CSMD1: variants seen among roughly 807,000 people sequenced by gnomAD.
CSMD1 encodes CUB and Sushi multiple domains 1.
Under a neutral mutation model 417.5 loss-of-function variants are expected in CSMD1, and 213 were observed. The observed-to-expected ratio is 0.51, with a 90% CI of 0.46 to 0.57. CSMD1 has a LOEUF of 0.57. Among genes scored for constraint, CSMD1 ranks in the 20% least tolerant of loss-of-function variants. The probability of loss-of-function intolerance (pLI) is 0.00; values close to 1 mark genes in which losing one functional copy is unlikely to be tolerated. For missense variants in CSMD1, 6,923 were observed against 4,529.7 expected (o/e 1.53, Z -15.17); for synonymous variants, 2,862 against 1,736.8 (o/e 1.65, Z -16.11).
intron 2 of CSMD1, among the ~76,000 whole-genome samples, chr8:4,634,280 T>C (rs1802702892): frequency 6.6e-6 from 1 of 152,194 alleles, no homozygotes; most frequent in South Asian, 2.1e-4. Flanking sequence ...TAATACTATA[T>C]TTCTGACTAA....
intron 23 of CSMD1, among the ~76,000 whole-genome samples, chr8:3,319,782 A>T (rs1338282113): frequency 1.3e-5 from 2 of 152,202 alleles, no homozygotes; most frequent in Non-Finnish European, 1.5e-5. Flanking sequence ...TTTTAAAGTA[A>T]TTCTTCATTA....
At chr8:3,873,646 C>T (rs1161792740) in intron 5 of CSMD1, among the ~76,000 whole-genome samples, 1 of 152,064 alleles carries the variant, frequency 6.6e-6, no homozygotes, top group Non-Finnish European at 1.5e-5. Flanking sequence ...GCATATCAAA[C>T]CCCCATGACA....
At chr8:4,789,167 G>T (rs1326204429) in intron 1 of CSMD1, among the ~76,000 whole-genome samples, 2 of 152,156 alleles carry the variant, frequency 1.3e-5, no homozygotes, top group Admixed American at 6.5e-5. Context: ...TGTATGTTCA[G>T]ATGAATGCTT....
intron 5 of CSMD1, among the ~76,000 whole-genome samples, chr8:3,903,122 A>C (rs1807870369): frequency 6.6e-6 from 1 of 152,086 alleles, no homozygotes; most frequent in Non-Finnish European, 1.5e-5. Flanking sequence ...AGACCTTCTT[A>C]CTGGCACTTT....
rs79185134 is a variant in CSMD1 at position 3,637,113 on chromosome 8, C to A, written c.1010-20316G>T. 4.3e-4 allele frequency among the ~76,000 whole-genome samples: 66 copies of A among 152,264 alleles called. 1 individual carries two copies. The South Asian group carries it at 0.013, about 30-fold the overall frequency. The stretch of plus-strand genomic sequence containing the variant: ...TCCAAAACTATAGAAAATAAATTTC[C>A]TTCCTTTATAAATTATCCCGTTTGT... On this transcript the variant is annotated intron_variant, in intron 7 of 69. Coordinates refer to ENST00000635120, the MANE Select transcript of CSMD1 (RefSeq NM_033225.6).
intron 3 of CSMD1, among the ~76,000 whole-genome samples, chr8:4,155,644 CAT>C (rs532761808): frequency 3.6e-4 from 55 of 152,200 alleles, no homozygotes; most frequent in Admixed American, 7.8e-4. Context: ...TAGCTGATGA[CAT>C]AATACACATT....
intron 1 of CSMD1, among the ~76,000 whole-genome samples, chr8:4,926,020 G>C (rs74616251): frequency 0.035 from 5,361 of 152,198 alleles, 252 homozygotes; most frequent in African/African-American, 0.1. Context: ...GACTACAAAA[G>C]TGAGAGCTCA....
chr8:3,556,095 C>G (rs939816404), intron 10 of CSMD1, among the ~76,000 whole-genome samples: 1 of 152,050 alleles, frequency 6.6e-6, no homozygotes. Flanking sequence ...ATTCCACTAA[C>G]TACATAAGAC....
intron 1 of CSMD1, among the ~76,000 whole-genome samples, chr8:4,801,707 A>G (rs549521278): frequency 6.6e-6 from 1 of 152,034 alleles, no homozygotes; most frequent in Non-Finnish European, 1.5e-5. Flanking sequence ...AAGGCAGCCT[A>G]AACTACCCAC....
At chr8:4,860,249 A>T (rs1310958329) in intron 1 of CSMD1, among the ~76,000 whole-genome samples, 1 of 88,370 alleles carries the variant, frequency 1.1e-5, no homozygotes, top group Non-Finnish European at 2.0e-5. Flanking sequence ...TATCACACTC[A>T]GGGGACTGTT....
At chr8:4,294,590 C>T (rs185593752) in intron 3 of CSMD1, among the ~76,000 whole-genome samples, 10 of 152,078 alleles carry the variant, frequency 6.6e-5, no homozygotes, top group Admixed American at 5.9e-4. Flanking sequence ...AAACCAGAAA[C>T]CAGGTCTAAG....
intron 2 of CSMD1, among the ~76,000 whole-genome samples, chr8:4,585,380 T>G (rs1799647997): frequency 1.3e-5 from 2 of 152,108 alleles, no homozygotes; most frequent in Admixed American, 1.3e-4. Flanking sequence ...TACACAATTT[T>G]TGAAAGAGGG....
At chr8:3,976,362 G>T (rs929935759) in intron 5 of CSMD1, among the ~76,000 whole-genome samples, 1 of 152,074 alleles carries the variant, frequency 6.6e-6, no homozygotes, top group Non-Finnish European at 1.5e-5. Flanking sequence ...CTATCATGAC[G>T]TTGATGAAGA....
At chr8:4,277,838 C>A (rs1379794812) in intron 3 of CSMD1, among the ~76,000 whole-genome samples, 1 of 152,138 alleles carries the variant, frequency 6.6e-6, no homozygotes, top group Non-Finnish European at 1.5e-5. Context: ...AGGTCTGCCT[C>A]CCTGGTTCAC....
Position 3,607,366 on chromosome 8 carries a change from T to G in CSMD1, c.1097+9344A>C, listed in dbSNP as rs573759209. ...AGGACCTGCCTGGGGCTGTTTACAGTTAACTTTTGTGTTTTTTATAAGCAG... is the reference window on the plus strand; with the variant it reads ...AGGACCTGCCTGGGGCTGTTTACAGGTAACTTTTGTGTTTTTTATAAGCAG... On this transcript the variant is annotated intron_variant, in intron 8 of 69. Coordinates refer to ENST00000635120, the MANE Select transcript of CSMD1 (RefSeq NM_033225.6). 6.6e-5 allele frequency among the ~76,000 whole-genome samples: 10 copies of G among 152,318 alleles called. No individual in the cohort carries two copies. In the South Asian group the frequency reaches 1.0e-3, roughly 16 times the overall value.
At chr8:4,940,229 G>C (rs972158190) in intron 1 of CSMD1, among the ~76,000 whole-genome samples, 2 of 152,146 alleles carry the variant, frequency 1.3e-5, no homozygotes, top group African/African-American at 4.8e-5. Flanking sequence ...AAGCGTATTT[G>C]AGAAGGACAA....
At chr8:4,575,927 A>T (rs1479189087) in intron 2 of CSMD1, among the ~76,000 whole-genome samples, 1 of 152,180 alleles carries the variant, frequency 6.6e-6, no homozygotes, top group Admixed American at 6.5e-5. Context: ...TGTAAATCAA[A>T]CAATCCCACA....
intron 26 of CSMD1, among the ~76,000 whole-genome samples, chr8:3,257,659 G>C (rs1160805318): frequency 6.6e-6 from 1 of 152,142 alleles, no homozygotes; most frequent in Non-Finnish European, 1.5e-5. Flanking sequence ...CTGGGGCCAA[G>C]GCTACTGAGA....
intron 3 of CSMD1, among the ~76,000 whole-genome samples, chr8:4,338,272 G>C (rs974729895): frequency 6.6e-6 from 1 of 152,140 alleles, no homozygotes; most frequent in South Asian, 2.1e-4. Flanking sequence ...AGTTGAGTAA[G>C]TGCAAGAGTT....
Sources: allele counts gnomAD v4.1 joint callset (sites outside exome capture counted in the v4.1 genomes callset), GRCh38; gene constraint gnomAD v4.1.1; transcripts MANE v1.5; gene names NCBI Gene and HGNC (gene_info 2026-07-23, HGNC 2026-07-21).